Variants in MAST4 observed in about 807,000 individuals in gnomAD.
MAST4 encodes microtubule associated serine/threonine kinase family member 4, also known as microtubule-associated serine/threonine-protein kinase 4.
MAST4 carries 89 observed loss-of-function variants against 162.7 expected under a neutral mutation model. The observed-to-expected ratio is 0.55, with a 90% confidence interval of 0.46 to 0.65. MAST4 has a LOEUF of 0.65. Among genes scored for constraint, MAST4 ranks in the 30% least tolerant of loss-of-function variants. The pLI, the probability that MAST4 is intolerant of heterozygous loss-of-function variation, is 0.00. For synonymous variants in MAST4, 1,479 were observed against 1,361.1 expected (o/e 1.09, Z -1.91); for missense variants, 3,153 against 3,374.0 (o/e 0.93, Z 1.62).
At chr5:66,683,590 C>G (rs1307039715) in intron 1 of MAST4, among the ~76,000 whole-genome samples, 2 of 152,120 alleles carry the variant, frequency 1.3e-5, no homozygotes, top group Non-Finnish European at 2.9e-5. Context: ...AAAGGTAACT[C>G]TATTGTCATG....
chr5:66,609,062 T>C (rs1743100349), intron 1 of MAST4, among the ~76,000 whole-genome samples: 1 of 151,760 alleles, frequency 6.6e-6, no homozygotes, highest in African/African-American at 2.4e-5. Flanking sequence ...ATTTTTTTTT[T>C]TTTTTTTTTC....
Position 67,139,949 on chromosome 5 carries a change from C to T in MAST4, c.2495-2166C>T, listed in dbSNP as rs150948486. Among the ~76,000 whole-genome samples, 8 of 152,284 alleles carry T rather than the reference C, an allele frequency of 5.3e-5. No homozygotes were observed. The East Asian group carries it at 1.5e-3, about 29-fold the overall frequency. ...ATGGGCTGTAAATCCTTGAGGAGGA[C>T]CCATTTGTCATTGTCTGCAGAGATG... is the stretch of plus-strand genomic sequence containing the variant. On this transcript the variant is annotated intron_variant, in intron 19 of 28. Coordinates refer to ENST00000403625, the MANE Select transcript of MAST4 (RefSeq NM_001164664.2).
At chr5:67,069,172 A>G (rs1176532617) in intron 5 of MAST4, among the ~76,000 whole-genome samples, 1 of 151,762 alleles carries the variant, frequency 6.6e-6, no homozygotes. Flanking sequence ...TAAAGAAGTT[A>G]TATTTCAGGT....
intron 4 of MAST4, among the ~76,000 whole-genome samples, chr5:66,941,441 G>A (rs1580953526): frequency 6.6e-6 from 1 of 152,096 alleles, no homozygotes; most frequent in Admixed American, 6.6e-5. Flanking sequence ...ACTTCTGCTA[G>A]CTTCCATCTT....
At chr5:66,692,984 A>AT (rs10711722) in intron 1 of MAST4, among the ~76,000 whole-genome samples, 6,309 of 133,126 alleles carry the variant, frequency 0.047, 383 homozygotes, top group African/African-American at 0.15. Flanking sequence ...TAAAGTTTGT[A>AT]TTTTTTTTTT....
chr5:66,859,190 C>T (rs992967852), intron 3 of MAST4, among the ~76,000 whole-genome samples: 9 of 152,004 alleles, frequency 5.9e-5, no homozygotes, highest in East Asian at 3.9e-4. Context: ...AGCAATATAA[C>T]GCTTCTTATT....
chr5:67,059,151 G>A (rs1759238871), intron 5 of MAST4, among the ~76,000 whole-genome samples: 1 of 152,172 alleles, frequency 6.6e-6, no homozygotes, highest in Admixed American at 6.5e-5. Flanking sequence ...CTTCACCCTG[G>A]CTATCAGCAA....
chr5:66,730,751 CTG>C (rs70987138), intron 1 of MAST4, among the ~76,000 whole-genome samples: 137 of 148,860 alleles, frequency 9.2e-4, no homozygotes, highest in Admixed American at 1.1e-3. Flanking sequence ...CCTACCTACT[CTG>C]TGTGTGTGTG....
At chr5:66,857,048 C>T (rs879456889) in intron 3 of MAST4, among the ~76,000 whole-genome samples, 7 of 152,052 alleles carry the variant, frequency 4.6e-5, no homozygotes, top group Non-Finnish European at 7.4e-5. Flanking sequence ...GTAACAGGAC[C>T]GAAAACCCCT....
intron 2 of MAST4, among the ~76,000 whole-genome samples, chr5:66,776,104 C>T (rs570201168): frequency 3.3e-5 from 5 of 152,240 alleles, no homozygotes; most frequent in African/African-American, 4.8e-5. Context: ...AAATAGAGAA[C>T]GTGTTAGGAA....
At chr5:66,999,048 T>G (rs1369746995) in intron 4 of MAST4, among the ~76,000 whole-genome samples, 1 of 152,090 alleles carries the variant, frequency 6.6e-6, no homozygotes, top group East Asian at 1.9e-4. Flanking sequence ...CTGGCTTGGG[T>G]GGAGGCCAGT....
At chr5:66,678,759 C>T (rs1477567298) in intron 1 of MAST4, among the ~76,000 whole-genome samples, 1 of 150,876 alleles carries the variant, frequency 6.6e-6, no homozygotes, top group East Asian at 2.0e-4. Context: ...TCCCACAGTG[C>T]TGGATTACAG....
intron 1 of MAST4, among the ~76,000 whole-genome samples, chr5:66,628,757 T>G (rs966429844): frequency 6.6e-6 from 1 of 152,086 alleles, no homozygotes; most frequent in African/African-American, 2.4e-5. Context: ...TATAACAGCC[T>G]TGGCAAAGAA....
At chr5:66,942,374 A>G (rs1743461186) in intron 4 of MAST4, among the ~76,000 whole-genome samples, 1 of 152,280 alleles carries the variant, frequency 6.6e-6, no homozygotes, top group South Asian at 2.1e-4. Flanking sequence ...GATAGTACCC[A>G]TGGTAATTTA....
chr5:67,144,696 C>A lies in MAST4; in HGVS notation c.2758C>A (p.Gln920Lys). ...KVFSSIDRIT[Q>K]NSAEEKEDSV... Reference sequence around the variant, plus strand: ...TTTCAGCAGTATAGATCGAATCACTCAGAATTCAGCAGAAGAGAAGGAAGA... The same window carrying A: ...TTTCAGCAGTATAGATCGAATCACTAAGAATTCAGCAGAAGAGAAGGAAGA... Residue 920 changes from glutamine (Q) to lysine (K), a missense_variant, in exon 22 of 29, where the codon CAG becomes AAG. By Grantham distance (53) the Gln-to-Lys change is moderately conservative (BLOSUM62 1). Around this residue, in one of 7 missense-constraint regions of MAST4, gnomAD observed 619 missense variants for 744.2 expected, o/e 0.83. Transcript: ENST00000403625. 6.2e-7 allele frequency: 1 copy of A among 1,613,892 alleles called. No homozygotes were observed. Among genetic ancestry groups the A allele is most frequent in the South Asian group, 1.1e-5 (1 of 91,056 alleles).
chr5:66,847,571 G>C (rs897154007), intron 3 of MAST4, among the ~76,000 whole-genome samples: 6 of 152,030 alleles, frequency 3.9e-5, no homozygotes, highest in Admixed American at 3.9e-4. Context: ...GGAGGCAGAG[G>C]TTGCAGTGAG....
At chr5:66,837,886 ATATATATATTTTTTTTTTTT>A (rs1471547074) in intron 3 of MAST4, among the ~76,000 whole-genome samples, 1,410 of 52,834 alleles carry the variant, frequency 0.027, 43 homozygotes, top group South Asian at 0.099. Context: ...ATATATATAT[ATATATATATTTTTTTTTTTT>A]TTTTTTTTTT....
At chr5:66,779,976 G>T (rs1754780499) in intron 2 of MAST4, among the ~76,000 whole-genome samples, 1 of 152,030 alleles carries the variant, frequency 6.6e-6, no homozygotes, top group Non-Finnish European at 1.5e-5. Context: ...CCTCCTTTTG[G>T]ACAACAAAAA....
Position 67,166,623 on chromosome 5 carries a change from A to T in MAST4, c.7444A>T (p.Thr2482Ser), listed in dbSNP as rs750001421. 3 of 1,600,398 alleles carry T rather than the reference A, an allele frequency of 1.9e-6. No individual in the cohort carries two copies. Among genetic ancestry groups the T allele is most frequent in the Non-Finnish European group, 2.6e-6 (3 of 1,173,934 alleles). The change falls in exon 29 of 29, where the codon ACC (threonine) becomes TCC (serine). Residue 2482 changes from threonine to serine, a missense_variant. Physicochemically the swap from Thr to Ser is moderately conservative, Grantham distance 58. Transcript: ENST00000403625. ...AGAGGCCTCTGCAGCCAGCAGCGAC[A>T]CCTCTTCTGCCAAGGCCGCCGGGGG... ...VREASAASSDTSSAKAAGGML... is the reference protein window; with the variant it reads ...VREASAASSDSSSAKAAGGML...
Sources: allele counts gnomAD v4.1 joint callset (sites outside exome capture counted in the v4.1 genomes callset), GRCh38; gene constraint gnomAD v4.1.1; regional missense constraint gnomAD v4.1.1; transcripts MANE v1.5; gene names NCBI Gene and HGNC (gene_info 2026-07-23, HGNC 2026-07-21).